The following TRPM3 variants were observed in gnomAD, a reference collection of about 807,000 sequenced individuals.
TRPM3 encodes the protein long transient receptor potential channel 3.
TRPM3 carries 77 observed loss-of-function variants against 181.2 expected under a neutral mutation model. The observed-to-expected ratio is 0.42, with a 90% CI of 0.35 to 0.51. TRPM3 has a LOEUF of 0.51. Among genes scored for constraint, TRPM3 ranks in the 20% least tolerant of loss-of-function variants. The pLI, the probability that TRPM3 is intolerant of heterozygous loss-of-function variation, is 0.01. For synonymous variants in TRPM3, 745 were observed against 796.4 expected (o/e 0.94, Z 1.09); for missense variants, 1,759 against 2,196.7 (o/e 0.80, Z 3.98).
intron 1 of TRPM3, among the ~76,000 whole-genome samples, chr9:70,934,448 T>C (rs1158124751): frequency 6.6e-6 from 1 of 152,146 alleles, no homozygotes; most frequent in Admixed American, 6.5e-5. Flanking sequence ...TAGCTGCATA[T>C]CCATTGTAAT....
intron 1 of TRPM3, among the ~76,000 whole-genome samples, chr9:71,441,995 T>C (rs149202378): frequency 2.0e-5 from 3 of 152,208 alleles, no homozygotes; most frequent in Admixed American, 6.5e-5. Flanking sequence ...AATTACCTAG[T>C]AGGCTCAAAG....
Position 70,530,353 on chromosome 9 carries a change from T to G in TRPM3, c.*5600A>C, listed in dbSNP as rs1389240512. 2 of 152,294 alleles carry G rather than the reference T, an allele frequency of 1.3e-5. No individual in the cohort carries two copies. The highest frequency in any genetic ancestry group is 2.9e-5 in the Non-Finnish European group (2 of 68,148). The allele number at this position is 152,294 out of a possible 1,614,324, so 9.4% of individuals were successfully genotyped here. A position where few individuals can be genotyped will look rare whatever the true frequency, so the allele number is the denominator to read the frequency against. On this transcript the variant is annotated 3_prime_UTR_variant, in exon 26 of 26. Coordinates refer to ENST00000677713, the MANE Select transcript of TRPM3 (RefSeq NM_001366145.2). Reference sequence around the variant, plus strand: ...CAGGCACAAGGCTGAATTTCCCCCTTTGCCCCATAGGCCTCAGCCACCTGT... The same window carrying G: ...CAGGCACAAGGCTGAATTTCCCCCTGTGCCCCATAGGCCTCAGCCACCTGT...
intron 1 of TRPM3, among the ~76,000 whole-genome samples, chr9:71,419,489 A>C (rs2093693194): frequency 1.3e-5 from 2 of 152,006 alleles, no homozygotes; most frequent in African/African-American, 4.8e-5. Context: ...AAGAAATTGA[A>C]AAATCAGTCA....
intron 1 of TRPM3, among the ~76,000 whole-genome samples, chr9:71,154,837 A>G (rs1008461800): frequency 2.6e-5 from 4 of 152,206 alleles, no homozygotes; most frequent in African/African-American, 9.6e-5. Flanking sequence ...AGTGGCACCA[A>G]AGAACGATAC....
chr9:70,548,847 G>GCTCTCT (rs56761379), intron 25 of TRPM3, among the ~76,000 whole-genome samples: 44,027 of 149,968 alleles, frequency 0.29, 6,908 homozygotes, highest in East Asian at 0.51. Context: ...AAGATCTTGT[G>GCTCTCT]CTCTCTCTCT....
rs865875871 is a variant in TRPM3, at chr9:71,091,079, G to C, written c.177+30099C>G. 1.9e-4 allele frequency among the ~76,000 whole-genome samples: 29 copies of C among 152,126 alleles called. No individual in the cohort carries two copies. The Middle Eastern group carries it at 0.014, about 71-fold the overall frequency. On this transcript the variant is annotated intron_variant, in intron 1 of 25. Transcript: ENST00000677713. ...TTGTACTTAATGTTGCTGGGGTCAG[G>C]AGCATTACTACCTTTGGACTTTGGC...
At chr9:71,143,902 T>C (rs1160460072) in intron 1 of TRPM3, among the ~76,000 whole-genome samples, 3 of 152,208 alleles carry the variant, frequency 2.0e-5, no homozygotes, top group Non-Finnish European at 4.4e-5. Flanking sequence ...TCTCTGATGG[T>C]ATCTCATTGT....
chr9:70,548,698 G>T (rs2045698027), intron 25 of TRPM3, among the ~76,000 whole-genome samples: 1 of 152,174 alleles, frequency 6.6e-6, no homozygotes, highest in South Asian at 2.1e-4. Context: ...CGGAACAGTG[G>T]TTCCCAAATG....
At chr9:71,280,013 G>A (rs952912917) in intron 1 of TRPM3, among the ~76,000 whole-genome samples, 1 of 150,156 alleles carries the variant, frequency 6.7e-6, no homozygotes, top group Admixed American at 6.6e-5. Flanking sequence ...CAGAGTCAGA[G>A]GTTGCAGTGA....
chr9:70,577,677 A>G (rs987102304), intron 22 of TRPM3, among the ~76,000 whole-genome samples: 1 of 152,194 alleles, frequency 6.6e-6, no homozygotes, highest in Non-Finnish European at 1.5e-5. Context: ...ATTTTGCAAA[A>G]AGCAGTGACA....
At position 71,070,034 on chromosome 9, in the gene TRPM3, G is replaced by C. The variant is rs78579537; in HGVS notation, c.177+51144C>G. Among the ~76,000 whole-genome samples the C allele has an allele frequency of 6.1e-3, 929 of 152,306 alleles. 9 individuals carry two copies. Among genetic ancestry groups the C allele is most frequent in the African/African-American group, 0.021 (859 of 41,560 alleles). ...ATATGCCAAGTTATCATTCTGCTTAGTTTTTATTTTAATGAGTATTGACCA... is the reference window on the plus strand; with the variant it reads ...ATATGCCAAGTTATCATTCTGCTTACTTTTTATTTTAATGAGTATTGACCA... On this transcript the variant is annotated intron_variant, in intron 1 of 25. Transcript: ENST00000677713.
chr9:70,995,718 A>G (rs1322001068), intron 1 of TRPM3, among the ~76,000 whole-genome samples: 1 of 152,200 alleles, frequency 6.6e-6, no homozygotes, highest in Non-Finnish European at 1.5e-5. Flanking sequence ...CGTATGGGCA[A>G]GATGACACAT....
chr9:70,854,244 C>T (rs1232765492), intron 3 of TRPM3, among the ~76,000 whole-genome samples: 1 of 152,146 alleles, frequency 6.6e-6, no homozygotes, highest in Non-Finnish European at 1.5e-5. Flanking sequence ...CAGTTTTGTC[C>T]CCTGAGCATT....
intron 3 of TRPM3, among the ~76,000 whole-genome samples, chr9:70,852,223 C>G (rs2095260195): frequency 6.8e-6 from 1 of 147,420 alleles, no homozygotes; most frequent in Non-Finnish European, 1.5e-5. Flanking sequence ...TGTGTATTTA[C>G]TGTGCACCAG....
intron 1 of TRPM3, among the ~76,000 whole-genome samples, chr9:71,031,097 A>G (rs1211305057): frequency 6.6e-6 from 1 of 152,224 alleles, no homozygotes; most frequent in Non-Finnish European, 1.5e-5. Flanking sequence ...ACATGGTCTC[A>G]CTAAATGTCT....
intron 1 of TRPM3, among the ~76,000 whole-genome samples, chr9:71,088,684 T>C (rs144443317): frequency 2.6e-4 from 40 of 152,186 alleles, no homozygotes; most frequent in Non-Finnish European, 4.7e-4. Context: ...GGTTTCCTCA[T>C]TTTTATCTAG....
chr9:70,951,634 G>T (rs1390807065), intron 1 of TRPM3, among the ~76,000 whole-genome samples: 1 of 152,138 alleles, frequency 6.6e-6, no homozygotes, highest in Non-Finnish European at 1.5e-5. Flanking sequence ...GAGCCACCAT[G>T]CCTGGCCAGA....
intron 1 of TRPM3, among the ~76,000 whole-genome samples, chr9:71,159,538 A>C (rs1470946188): frequency 6.6e-6 from 1 of 152,138 alleles, no homozygotes; most frequent in Non-Finnish European, 1.5e-5. Context: ...AACGAACATA[A>C]AGCCTACGAA....
At chr9:70,696,784 TAAA>T (rs962957537) in intron 8 of TRPM3, among the ~76,000 whole-genome samples, 6 of 152,250 alleles carry the variant, frequency 3.9e-5, no homozygotes, top group African/African-American at 1.2e-4. Flanking sequence ...CAATGACAAA[TAAA>T]GAAGAAAATC....
Sources: allele counts gnomAD v4.1 joint callset (sites outside exome capture counted in the v4.1 genomes callset), GRCh38; gene constraint gnomAD v4.1.1; transcripts MANE v1.5; gene names NCBI Gene and HGNC (gene_info 2026-07-23, HGNC 2026-07-21).